The following MST1R variants were observed in gnomAD, a reference collection of about 807,000 sequenced individuals.
MST1R encodes the protein macrophage stimulating 1 receptor.
A neutral mutation model predicts 117.8 loss-of-function variants in MST1R; 99 were observed. That is an observed-to-expected ratio of 0.84 (90% CI 0.71 to 0.99). The LOEUF is 0.99. Ranked by LOEUF, MST1R falls within the 50% of genes least tolerant of loss-of-function variation. The pLI is 0.00. For missense variants in MST1R, 1,683 were observed against 1,840.2 expected (o/e 0.91, Z 1.56); for synonymous variants, 734 against 765.3 (o/e 0.96, Z 0.68).
chr3:49,894,300 T>C (rs757472971), intron 14 of MST1R, among the ~76,000 whole-genome samples: 8 of 151,976 alleles, frequency 5.3e-5, no homozygotes, highest in Non-Finnish European at 1.2e-4. Flanking sequence ...CGGTGGCTCA[T>C]GCCTGTAATC....
Position 49,903,761 on chromosome 3 carries a change from C to T in MST1R, c.-152G>A. On this transcript the variant is annotated 5_prime_UTR_variant, in exon 1 of 20. Transcript: ENST00000296474. The stretch of plus-strand genomic sequence containing the variant: ...GATAGCGGACCCCCGCCCCAGGTTC[C>T]TGTGAAACCCAAATCCCTTCCCGGC... The T allele has an allele frequency of 9.2e-7, 1 of 1,081,982 alleles. No homozygotes were observed. 67.0% of individuals were successfully genotyped at this position (1,081,982 alleles called of 1,614,324 possible).
chr3:49,889,649 T>G (rs999567358), intron 19 of MST1R, among the ~76,000 whole-genome samples: 4 of 151,658 alleles, frequency 2.6e-5, no homozygotes, highest in African/African-American at 9.7e-5. Context: ...TTAGTGGGAG[T>G]CGGGTAGGAG....
intron 5 of MST1R, 171 bp from the exon 6 acceptor site, chr3:49,897,856 T>C (rs2082535146): frequency 8.7e-7 from 1 of 1,146,238 alleles, no homozygotes; most frequent in East Asian, 2.6e-5. Flanking sequence ...GGCTGGTCCA[T>C]GAGTGAACAG....
rs771218531 is a variant in MST1R at position 49,891,297 on chromosome 3, C to T, written c.3544G>A (p.Val1182Met). The change falls in exon 17 of 20, where the codon GTG (valine) becomes ATG (methionine). Residue 1182 changes from valine to methionine, a missense_variant. Transcript: ENST00000296474. ...FIRSPQRNPT[V>M]KDLISFGLQV... Reference sequence around the variant, plus strand: ...AGGCCAAAGCTGATGAGGTCCTTCACGGTGGGGTTCTGGGGGCACAGGTGG... The same window carrying T: ...AGGCCAAAGCTGATGAGGTCCTTCATGGTGGGGTTCTGGGGGCACAGGTGG... The T allele has an allele frequency of 3.4e-5, 55 of 1,614,028 alleles. No homozygotes were observed. The highest frequency in any genetic ancestry group is 4.2e-5 in the Non-Finnish European group (49 of 1,180,040).
intron 15 of MST1R, 75 bp from the exon 16 acceptor site, chr3:49,891,655 G>A (rs1040714509): frequency 1.7e-5 from 27 of 1,608,720 alleles, no homozygotes; most frequent in Non-Finnish European, 2.3e-5. Context: ...GGGAAATGAA[G>A]GTCTCCTGCT....
At chr3:49,891,659 TC>T (rs2082320049) in intron 15 of MST1R, 79 bp from the exon 16 acceptor site, 2 of 1,609,120 alleles carry the variant, frequency 1.2e-6, no homozygotes, top group South Asian at 2.2e-5. Context: ...AATGAAGGTC[TC>T]CTGCTCAGGG....
rs1477929151 is a variant in MST1R at position 49,896,961 on chromosome 3, T to G, written c.2184-71A>C. 2.1e-6 allele frequency: 3 copies of G among 1,433,158 alleles called. No homozygotes were observed. In the African/African-American group the frequency reaches 4.3e-5, roughly 21 times the overall value. The allele number at this position is 1,433,158 out of a possible 1,614,324, so 88.8% of individuals were successfully genotyped here. A position where few individuals can be genotyped will look rare whatever the true frequency, so the allele number is the denominator to read the frequency against. On this transcript the variant is annotated intron_variant, in intron 7 of 19. Transcript: ENST00000296474. Reference sequence around the variant, plus strand: ...GCCAGGCCCACTTCTTCCAGGGGCCTGTTGACCTCTCCCAGTTCGTCTGTT... The same window carrying G: ...GCCAGGCCCACTTCTTCCAGGGGCCGGTTGACCTCTCCCAGTTCGTCTGTT...
chr3:49,894,736 T>C (rs1218442507), intron 14 of MST1R, among the ~76,000 whole-genome samples: 1 of 151,840 alleles, frequency 6.6e-6, no homozygotes, highest in Non-Finnish European at 1.5e-5. Context: ...AGAGGTTAAG[T>C]GGTATACCCA....
chr3:49,893,165 G>A (rs1262942999), intron 14 of MST1R, among the ~76,000 whole-genome samples: 1 of 151,038 alleles, frequency 6.6e-6, no homozygotes, highest in East Asian at 1.9e-4. Context: ...TGTAATCCCA[G>A]CTACTTAGGA....
At position 49,903,842 on chromosome 3, in the gene MST1R, C is replaced by T; in HGVS notation, c.-233G>A. ...CGCACGACAGCAACGCCCCAGCCGC[C>T]TCACCTGCCGCCCCAGCCGCCGCTG... On this transcript the variant is annotated 5_prime_UTR_variant, in exon 1 of 20. Coordinates refer to ENST00000296474, the MANE Select transcript of MST1R (RefSeq NM_002447.4). The T allele has an allele frequency of 1.8e-6, 1 of 555,120 alleles. No homozygotes were observed. Among genetic ancestry groups the T allele is most frequent in the Non-Finnish European group, 3.1e-6 (1 of 325,924 alleles). The allele number at this position is 555,120 out of a possible 1,614,324, so 34.4% of individuals were successfully genotyped here. A position where few individuals can be genotyped will look rare whatever the true frequency, so the allele number is the denominator to read the frequency against.
In MST1R at chr3:49,895,864, T is replaced by G. The variant is rs748027850; in HGVS notation, c.2813A>C (p.Glu938Ala). 6.2e-7 allele frequency: 1 copy of G among 1,608,706 alleles called. No individual in the cohort carries two copies. Among genetic ancestry groups the G allele is most frequent in the Admixed American group, 1.7e-5 (1 of 59,540 alleles). ...CACCACTCTACCCAGGATATGACATTCACCATCTACGCAGACCTGGGGGCA... is the reference window on the plus strand; with the variant it reads ...CACCACTCTACCCAGGATATGACATGCACCATCTACGCAGACCTGGGGGCA... ...GAPLQVCVDG[E>A]CHILGRVVRP... Residue 938 changes from glutamate (E) to alanine (A), a missense_variant, in exon 12 of 20, where the codon GAA becomes GCA. Physicochemically the swap from Glu to Ala is moderately radical, Grantham distance 107. Transcript: ENST00000296474.
At position 49,895,759 on chromosome 3, in the gene MST1R, G is replaced by GCCAGTGCAGCCA; in HGVS notation, c.2906_2917dup (p.Val969_Leu972dup). 1 of 1,613,302 alleles carries GCCAGTGCAGCCA rather than the reference G, an allele frequency of 6.2e-7. No individual in the cohort carries two copies. Among genetic ancestry groups the GCCAGTGCAGCCA allele is most frequent in the Non-Finnish European group, 8.5e-7 (1 of 1,179,994 alleles). ...CCAGTAGCTGAAGACCAGTGCAGTC[G>GCCAGTGCAGCCA]CCAGTGCAGCCACAAGCAGCAGCAA... On this transcript the variant is annotated inframe_insertion, in exon 12 of 20. Coordinates refer to ENST00000296474, the MANE Select transcript of MST1R (RefSeq NM_002447.4).
At chr3:49,893,973 G>C (rs1271471047) in intron 14 of MST1R, among the ~76,000 whole-genome samples, 2 of 151,416 alleles carry the variant, frequency 1.3e-5, no homozygotes, top group African/African-American at 2.4e-5. Flanking sequence ...TAGCACTTTG[G>C]GAGGCTGAGG....
intron 1 of MST1R, among the ~76,000 whole-genome samples, chr3:49,901,448 C>T (rs2082673803): frequency 1.3e-5 from 2 of 151,740 alleles, no homozygotes; most frequent in South Asian, 4.1e-4. Context: ...CAGTTCAGCA[C>T]AGGCTTTGAG....
rs1346711522 is a variant in MST1R at position 49,896,195 on chromosome 3, C to T, written c.2649G>A (p.Glu883=). 6.2e-7 allele frequency: 1 copy of T among 1,614,148 alleles called. No homozygotes were observed. Among genetic ancestry groups the T allele is most frequent in the African/African-American group, 1.3e-5 (1 of 75,028 alleles). ...CCCTGCCCCTATCCCTTACACTTACCTCAAACTTAATGGCATGCTCCTCAG... is the reference window on the plus strand; with the variant it reads ...CCCTGCCCCTATCCCTTACACTTACTTCAAACTTAATGGCATGCTCCTCAG... ...LKPEEHAIKF[E]YIGLGAVADC... Residue 883 remains glutamate (E), a splice_region_variant and synonymous_variant, in exon 10 of 20, where the codon GAG becomes GAA. Coordinates refer to ENST00000296474, the MANE Select transcript of MST1R (RefSeq NM_002447.4).
intron 14 of MST1R, among the ~76,000 whole-genome samples, chr3:49,893,660 G>C (rs1423809573): frequency 6.6e-6 from 1 of 151,724 alleles, no homozygotes; most frequent in African/African-American, 2.4e-5. Flanking sequence ...AGCACTTTGG[G>C]AGGCTGAGGC....
intron 15 of MST1R, 86 bp from the exon 16 acceptor site, chr3:49,891,666 C>A: frequency 2.5e-6 from 4 of 1,608,264 alleles, no homozygotes; most frequent in Non-Finnish European, 3.4e-6. Flanking sequence ...GTCTCCTGCT[C>A]AGGGTCACTC....
Position 49,896,814 on chromosome 3 carries a change from C to T in MST1R, c.2260G>A (p.Gly754Arg), listed in dbSNP as rs1263192467. 2 of 1,559,136 alleles carry T rather than the reference C, an allele frequency of 1.3e-6. No homozygotes were observed. The highest frequency in any genetic ancestry group is 1.9e-5 in the Admixed American group (1 of 52,062). ...VASVPLSLQV[G>R]GAQVPGSWTF... ...CAGGAACCAGGTACCTGGGCACCCCCCACCTGCAGGCTAAGGGGGACACTG... is the reference window on the plus strand; with the variant it reads ...CAGGAACCAGGTACCTGGGCACCCCTCACCTGCAGGCTAAGGGGGACACTG... The change falls in exon 8 of 20, where the codon GGG becomes AGG. Residue 754 changes from glycine (G) to arginine (R), a missense_variant. By Grantham distance (125) the Gly-to-Arg change is moderately radical. Transcript: ENST00000296474.
Position 49,902,653 on chromosome 3 carries a change from A to G in MST1R, c.957T>C (p.Pro319=), listed in dbSNP as rs767081139. The part of the protein sequence containing the change: ...RGAPEGGQPY[P]VLRVAHSAPV... ...GAGCGGAGTGGGCCACCCGCAGCAC[A>G]GGGTAGGGCTGTCCGCCTTCTGGGG... The change falls in exon 1 of 20, where the codon CCT becomes CCC. Residue 319 remains proline, a synonymous_variant. Coordinates refer to ENST00000296474, the MANE Select transcript of MST1R (RefSeq NM_002447.4). 5.9e-5 allele frequency: 95 copies of G among 1,613,304 alleles called. 2 individuals carry two copies. The Middle Eastern group carries it at 6.7e-3, about 114-fold the overall frequency.
Sources: gnomAD v4.1 joint callset for allele counts (sites outside exome capture counted in the v4.1 genomes callset) on GRCh38, gnomAD v4.1.1 for gene constraint, MANE v1.5 for transcripts, NCBI Gene and HGNC (gene_info 2026-07-23, HGNC 2026-07-21) for gene names.